AUTS2: variants seen among roughly 807,000 people sequenced by gnomAD.
AUTS2 encodes the protein activator of transcription and developmental regulator AUTS2.
In AUTS2, 17 loss-of-function variants were observed where a neutral mutation model predicts 112.4. The ratio of observed to expected loss-of-function variants is 0.15; its 90% CI spans 0.10 to 0.23. AUTS2 has a LOEUF of 0.23. Ranked by LOEUF, AUTS2 falls within the 10% of genes least tolerant of loss-of-function variation. AUTS2 has a pLI of 1.00. For synonymous variants in AUTS2, 751 were observed against 702.7 expected, an observed-to-expected ratio of 1.07 and a Z score of -1.09; for missense variants, 1,510 against 1,701.6, an observed-to-expected ratio of 0.89 and a Z score of 1.98.
At chr7:69,772,201 T>C (rs1350905597) in intron 1 of AUTS2, among the ~76,000 whole-genome samples, 1 of 152,338 alleles carries the variant, frequency 6.6e-6, no homozygotes, top group South Asian at 2.1e-4. Context: ...GTGCAATTTC[T>C]GGATAACTGA....
intron 5 of AUTS2, among the ~76,000 whole-genome samples, chr7:70,482,105 T>C (rs1452932108): frequency 6.6e-6 from 1 of 152,192 alleles, no homozygotes; most frequent in African/African-American, 2.4e-5. Flanking sequence ...GGGGTGCGTT[T>C]TGATTTCTTT....
chr7:70,154,271 G>C (rs566324359), intron 4 of AUTS2, among the ~76,000 whole-genome samples: 1 of 152,266 alleles, frequency 6.6e-6, no homozygotes, highest in South Asian at 2.1e-4. Context: ...TGTAGGTTTT[G>C]GGGGCTGGAA....
At chr7:70,626,596 G>A (rs564812680) in intron 5 of AUTS2, among the ~76,000 whole-genome samples, 3 of 152,128 alleles carry the variant, frequency 2.0e-5, no homozygotes, top group African/African-American at 4.8e-5. Flanking sequence ...GAGGTTTGGA[G>A]TATGAATGAT....
At chr7:69,903,165 T>C (rs1225508184) in intron 2 of AUTS2, among the ~76,000 whole-genome samples, 2 of 151,980 alleles carry the variant, frequency 1.3e-5, no homozygotes, top group African/African-American at 4.8e-5. Context: ...GCAAAAGAGG[T>C]TGCACATGGC....
intron 1 of AUTS2, among the ~76,000 whole-genome samples, chr7:69,866,549 A>G (rs1259564244): frequency 1.3e-5 from 2 of 152,154 alleles, no homozygotes; most frequent in East Asian, 1.9e-4. Flanking sequence ...TTGATAGCAT[A>G]TTCCTTTTGT....
chr7:70,165,497 G>A (rs1269675596), intron 4 of AUTS2, among the ~76,000 whole-genome samples: 3 of 152,176 alleles, frequency 2.0e-5, no homozygotes, highest in Non-Finnish European at 4.4e-5. Flanking sequence ...GAGTTGGAGT[G>A]ACATCTTTAA....
chr7:70,238,926 T>C (rs1056112854), intron 4 of AUTS2, among the ~76,000 whole-genome samples: 8 of 152,260 alleles, frequency 5.3e-5, no homozygotes, highest in Admixed American at 6.5e-5. Flanking sequence ...GTTTATCAAT[T>C]AGTAGAACTC....
chr7:70,684,622 G>A (rs998298235), intron 5 of AUTS2, among the ~76,000 whole-genome samples: 1 of 151,570 alleles, frequency 6.6e-6, no homozygotes, highest in African/African-American at 2.4e-5. Context: ...GTGTGGTATG[G>A]TGTGGCGTGG....
intron 2 of AUTS2, among the ~76,000 whole-genome samples, chr7:69,937,790 G>A (rs1014442207): frequency 8.5e-5 from 13 of 152,202 alleles, no homozygotes; most frequent in African/African-American, 3.1e-4. Flanking sequence ...AAATGCTGCA[G>A]GGTCCTCTCC....
chr7:70,544,588 G>A (rs1369291504), intron 5 of AUTS2, among the ~76,000 whole-genome samples: 1 of 152,198 alleles, frequency 6.6e-6, no homozygotes, highest in Non-Finnish European at 1.5e-5. Context: ...GTTGGAACCA[G>A]AAAAGCTAAG....
At chr7:70,608,064 C>A (rs988230659) in intron 5 of AUTS2, among the ~76,000 whole-genome samples, 8 of 152,134 alleles carry the variant, frequency 5.3e-5, no homozygotes, top group African/African-American at 1.9e-4. Flanking sequence ...TGGACCTTTG[C>A]CAGCTCTGGG....
intron 6 of AUTS2, among the ~76,000 whole-genome samples, chr7:70,742,229 G>A (rs1788156241): frequency 6.6e-6 from 1 of 152,080 alleles, no homozygotes; most frequent in Admixed American, 6.5e-5. Context: ...TTTTTGCTAG[G>A]AGGAATGAAA....
At chr7:70,777,207 G>A in intron 14 of AUTS2, 33 bp downstream of exon 14, 1 of 1,591,410 alleles carries the variant, frequency 6.3e-7, no homozygotes, top group Non-Finnish European at 8.6e-7. Flanking sequence ...AGGGAAGAAT[G>A]GGATGCACAT....
chr7:69,600,160 C>T (rs1431819836), intron 1 of AUTS2, among the ~76,000 whole-genome samples, 198 bp downstream of exon 1: 1 of 152,018 alleles, frequency 6.6e-6, no homozygotes, highest in Non-Finnish European at 1.5e-5. Context: ...AGTCGCAAAG[C>T]CGTGCCTGGT....
At chr7:70,785,423 A>G in intron 16 of AUTS2, 2 of 484,870 alleles carry the variant, frequency 4.1e-6, no homozygotes, top group South Asian at 3.1e-5. Flanking sequence ...TATGGAGAGG[A>G]GTTATTCTAC....
chr7:70,513,666 C>CTTTTTTT (rs35815016), intron 5 of AUTS2, among the ~76,000 whole-genome samples: 1 of 140,428 alleles, frequency 7.1e-6, no homozygotes. Context: ...TTTCTGTTTC[C>CTTTTTTT]TTTTTTTTTT....
chr7:69,961,317 C>T (rs914078451), intron 2 of AUTS2, among the ~76,000 whole-genome samples: 2 of 151,992 alleles, frequency 1.3e-5, no homozygotes, highest in East Asian at 1.9e-4. Flanking sequence ...CTGATAAGTT[C>T]TGAAGTCTAA....
rs77505713 is a variant in AUTS2 at position 70,447,940 on chromosome 7, T to A, written c.690+12159T>A. Among the ~76,000 whole-genome samples, 1,384 of 152,332 alleles carry A rather than the reference T, an allele frequency of 9.1e-3. 33 individuals are homozygous for A. The highest frequency in any genetic ancestry group is 0.032 in the African/African-American group (1,326 of 41,572). On this transcript the variant is annotated intron_variant, in intron 5 of 18. Coordinates refer to ENST00000342771, the MANE Select transcript of AUTS2 (RefSeq NM_015570.4). Reference sequence around the variant, plus strand: ...GCAGTCACTCTGGCAAATGCTTTATTCTTTTATATTCTTATTGGAAAGGCT... The same window carrying A: ...GCAGTCACTCTGGCAAATGCTTTATACTTTTATATTCTTATTGGAAAGGCT...
chr7:70,041,899 T>C (rs772329714), intron 2 of AUTS2, among the ~76,000 whole-genome samples: 7 of 152,218 alleles, frequency 4.6e-5, no homozygotes, highest in African/African-American at 7.2e-5. Flanking sequence ...TTATAAACTA[T>C]TATCAATTTT....
Sources: gnomAD v4.1 joint callset for allele counts (sites outside exome capture counted in the v4.1 genomes callset) on GRCh38, gnomAD v4.1.1 for gene constraint, MANE v1.5 for transcripts, NCBI Gene and HGNC (gene_info 2026-07-23, HGNC 2026-07-21) for gene names.